Variants in SLC4A4 observed in about 807,000 individuals in gnomAD.
SLC4A4 encodes the protein solute carrier family 4 member 4, also known as electrogenic sodium bicarbonate cotransporter 1.
A neutral mutation model predicts 111.5 loss-of-function variants in SLC4A4; 27 were observed. The ratio of observed to expected loss-of-function variants is 0.24; its 90% CI spans 0.18 to 0.33. The LOEUF (loss-of-function observed/expected upper bound fraction) is 0.33, where lower values mean the gene tolerates loss of function less well. Ranked by LOEUF, SLC4A4 falls within the 10% of genes least tolerant of loss-of-function variation. SLC4A4 has a pLI of 1.00. For synonymous variants in SLC4A4, 443 were observed against 463.4 expected (o/e 0.96, Z 0.57); for missense variants, 909 against 1,315.5 (o/e 0.69, Z 4.78).
intron 3 of SLC4A4, among the ~76,000 whole-genome samples, chr4:71,314,214 C>T (rs1409478139): frequency 6.6e-6 from 1 of 152,186 alleles, no homozygotes. Flanking sequence ...ATCAAAATCA[C>T]AATGAGATAC....
At chr4:71,297,585 CTT>C (rs112132682) in intron 3 of SLC4A4, among the ~76,000 whole-genome samples, 2,164 of 115,002 alleles carry the variant, frequency 0.019, 68 homozygotes, top group African/African-American at 0.071. Flanking sequence ...ATTGGTGAAT[CTT>C]TTTTTTTTTT....
chr4:71,139,972 C>A (rs576531714), intron 2 of SLC4A4, among the ~76,000 whole-genome samples: 1 of 151,720 alleles, frequency 6.6e-6, no homozygotes, highest in Non-Finnish European at 1.5e-5. Flanking sequence ...ATATTTGTAC[C>A]CATTATACTA....
chr4:71,458,914 A>G (rs1726544006), intron 12 of SLC4A4, among the ~76,000 whole-genome samples: 1 of 152,078 alleles, frequency 6.6e-6, no homozygotes, highest in Non-Finnish European at 1.5e-5. Context: ...GTTAATCTAC[A>G]CTATCAACAT....
intron 25 of SLC4A4, among the ~76,000 whole-genome samples, chr4:71,567,425 C>G (rs1737586662): frequency 6.6e-6 from 1 of 151,718 alleles, no homozygotes; most frequent in African/African-American, 2.4e-5. Context: ...TAATGAAGTT[C>G]TAGGGATTTC....
At chr4:71,268,519 GGACAAGAGGA>G (rs1722470184) in intron 3 of SLC4A4, among the ~76,000 whole-genome samples, 1 of 152,152 alleles carries the variant, frequency 6.6e-6, no homozygotes, top group African/African-American at 2.4e-5. Flanking sequence ...GTCATAGTTA[GGACAAGAGGA>G]GACATTTCTG....
At chr4:71,196,399 A>G (rs538317481) in intron 1 of SLC4A4, among the ~76,000 whole-genome samples, 2 of 152,282 alleles carry the variant, frequency 1.3e-5, no homozygotes, top group Middle Eastern at 6.8e-3. Context: ...GATAAACTAG[A>G]TTAGATAATT....
intron 2 of SLC4A4, among the ~76,000 whole-genome samples, chr4:71,096,562 A>T (rs1742560430): frequency 6.6e-6 from 1 of 152,236 alleles, no homozygotes; most frequent in Non-Finnish European, 1.5e-5. Flanking sequence ...ATTTAAAAAA[A>T]TCGTTAGTGC....
At chr4:71,420,616 A>G (rs931010182) in intron 7 of SLC4A4, among the ~76,000 whole-genome samples, 2 of 152,256 alleles carry the variant, frequency 1.3e-5, no homozygotes, top group East Asian at 3.8e-4. Context: ...AGGGAAGCCC[A>G]TCAGACTAAC....
At chr4:71,274,841 T>A (rs182232781) in intron 3 of SLC4A4, among the ~76,000 whole-genome samples, 74 of 152,302 alleles carry the variant, frequency 4.9e-4, no homozygotes, top group Admixed American at 9.2e-4. Context: ...TCTAAATTAG[T>A]TTAGGTCATA....
chr4:71,385,464 C>T (rs950625288), intron 6 of SLC4A4, among the ~76,000 whole-genome samples: 1 of 151,830 alleles, frequency 6.6e-6, no homozygotes, highest in Non-Finnish European at 1.5e-5. Flanking sequence ...TCCGAAAGTG[C>T]TGGGATTATA....
chr4:71,385,824 G>T (rs1432215799), intron 6 of SLC4A4, among the ~76,000 whole-genome samples: 3 of 151,874 alleles, frequency 2.0e-5, no homozygotes, highest in Non-Finnish European at 2.9e-5. Context: ...TCCCTATGTT[G>T]CCCTCCTGCT....
At chr4:71,424,601 A>G (rs1722917180) in intron 7 of SLC4A4, among the ~76,000 whole-genome samples, 3 of 152,158 alleles carry the variant, frequency 2.0e-5, no homozygotes, top group African/African-American at 7.2e-5. Context: ...CAAATGTCCA[A>G]CAATGATAGA....
Position 71,569,507 on chromosome 4 carries a change from A to G in SLC4A4, c.*1756A>G, listed in dbSNP as rs1423683667. The G allele has an allele frequency of 1.3e-5, 2 of 151,706 alleles. No homozygotes were observed. The highest frequency in any genetic ancestry group is 2.4e-5 in the African/African-American group (1 of 41,374). The allele number at this position is 151,706 out of a possible 1,614,324, so 9.4% of individuals were successfully genotyped here. A position where few individuals can be genotyped will look rare whatever the true frequency, so the allele number is the denominator to read the frequency against. ...ATTAGACATTTATTAACCAAATTTA[A>G]CGTGGTATTTAAAGGTAATATTTTT... On this transcript the variant is annotated 3_prime_UTR_variant, in exon 26 of 26. Coordinates refer to ENST00000264485, the MANE Select transcript of SLC4A4 (RefSeq NM_001098484.3).
intron 3 of SLC4A4, among the ~76,000 whole-genome samples, chr4:71,269,999 A>G (rs1023009463): frequency 1.3e-5 from 2 of 152,226 alleles, no homozygotes; most frequent in African/African-American, 4.8e-5. Flanking sequence ...CTGGCAAATA[A>G]TACAGCTTAG....
chr4:71,364,013 A>G (rs1233136474), intron 6 of SLC4A4, among the ~76,000 whole-genome samples: 1 of 152,212 alleles, frequency 6.6e-6, no homozygotes, highest in African/African-American at 2.4e-5. Flanking sequence ...TTCCAAATGC[A>G]TAATGTTCAG....
At chr4:71,075,028 A>G (rs956347926) in intron 1 of SLC4A4, among the ~76,000 whole-genome samples, 2 of 152,054 alleles carry the variant, frequency 1.3e-5, no homozygotes, top group African/African-American at 4.8e-5. Context: ...CAGAAGCCAA[A>G]ATTGGGGATC....
At chr4:71,375,231 G>A (rs1168003914) in intron 6 of SLC4A4, among the ~76,000 whole-genome samples, 3 of 152,166 alleles carry the variant, frequency 2.0e-5, no homozygotes, top group Non-Finnish European at 4.4e-5. Context: ...ACCTCCTCAT[G>A]TGGAAGTGTT....
chr4:71,338,965 C>G, intron 3 of SLC4A4: 2 of 983,694 alleles, frequency 2.0e-6, no homozygotes, highest in Non-Finnish European at 2.8e-6. Flanking sequence ...GATTGGGGTA[C>G]TTTGTTGTCC....
intron 3 of SLC4A4, among the ~76,000 whole-genome samples, chr4:71,305,769 C>T (rs2579347): frequency 0.029 from 4,447 of 152,274 alleles, 230 homozygotes; most frequent in African/African-American, 0.1. Flanking sequence ...GGAAAAGGAG[C>T]TAACACGTGG....
Sources: allele counts gnomAD v4.1 joint callset (sites outside exome capture counted in the v4.1 genomes callset), GRCh38; gene constraint gnomAD v4.1.1; transcripts MANE v1.5; gene names NCBI Gene and HGNC (gene_info 2026-07-23, HGNC 2026-07-21).